Variants in GRAMD2B observed in about 807,000 individuals in gnomAD.
The protein encoded by GRAMD2B is GRAM domain containing 2B.
A neutral mutation model predicts 59.2 loss-of-function variants in GRAMD2B; 41 were observed. The ratio of observed to expected loss-of-function variants is 0.69; its 90% confidence interval spans 0.54 to 0.90. The LOEUF (loss-of-function observed/expected upper bound fraction) is 0.90. GRAMD2B is among the 40% of genes least tolerant of loss of function. GRAMD2B has a pLI of 0.00. For missense variants in GRAMD2B, 424 were observed against 500.5 expected, an observed-to-expected ratio of 0.85 and a Z score of 1.46; for synonymous variants, 161 against 182.7, an observed-to-expected ratio of 0.88 and a Z score of 0.96.
chr5:126,395,789 T>C (rs114386387), intron 1 of GRAMD2B, among the ~76,000 whole-genome samples: 1,533 of 152,254 alleles, frequency 0.01, 39 homozygotes, highest in African/African-American at 0.036. Context: ...CGCATGCACA[T>C]GTATATGTGT....
At chr5:126,363,181 A>G (rs749191045) in intron 1 of GRAMD2B, among the ~76,000 whole-genome samples, 22 of 152,356 alleles carry the variant, frequency 1.4e-4, no homozygotes, top group Non-Finnish European at 2.5e-4. Context: ...TTTTTCTCCA[A>G]AGAGAATACA....
chr5:126,484,341 T>C, intron 9 of GRAMD2B, 61 bp from the exon 10 acceptor site: 1 of 1,557,172 alleles, frequency 6.4e-7, no homozygotes, highest in Non-Finnish European at 8.7e-7. Flanking sequence ...TACTTGGAGA[T>C]TAATCCTGTT....
upstream of GRAMD2B, among the ~76,000 whole-genome samples, chr5:126,371,079 A>T (rs553735483): frequency 6.6e-6 from 1 of 152,306 alleles, no homozygotes; most frequent in South Asian, 2.1e-4. Flanking sequence ...TAATGTTTAG[A>T]TGCTGCCAGT....
At chr5:126,375,083 C>T (rs1372365541) in intron 1 of GRAMD2B, among the ~76,000 whole-genome samples, 7 of 152,060 alleles carry the variant, frequency 4.6e-5, no homozygotes, top group Non-Finnish European at 1.0e-4. Context: ...CTTTAATGTC[C>T]TTCAATAAAG....
At chr5:126,406,161 TA>T (rs1453878489) in intron 1 of GRAMD2B, among the ~76,000 whole-genome samples, 1 of 151,942 alleles carries the variant, frequency 6.6e-6, no homozygotes, top group African/African-American at 2.4e-5. Context: ...TTCATTCTAT[TA>T]TTTTACTAAC....
At chr5:126,459,022 C>A (rs185948759) in intron 1 of GRAMD2B, 3 of 152,260 alleles carry the variant, frequency 2.0e-5, no homozygotes, top group African/African-American at 7.2e-5. Context: ...GGTTTCCCTC[C>A]ATTATTGTAG....
chr5:126,488,412 T>C (rs919864924), intron 12 of GRAMD2B, among the ~76,000 whole-genome samples: 1 of 152,242 alleles, frequency 6.6e-6, no homozygotes, highest in Non-Finnish European at 1.5e-5. Context: ...TGTAAAGTTC[T>C]AGTATAAATA....
In GRAMD2B at chr5:126,360,342, G is replaced by A. The variant is rs540080193; in HGVS notation, c.11G>A (p.Arg4Lys). Residue 4 changes from arginine (R) to lysine (K), a missense_variant, in exon 1 of 14, where the codon AGA (arginine) becomes AAA (lysine). Transcript: ENST00000513040. ...CCTGGCCTCTAGAAGATGACAAGGA[G>A]ACAGCAAGTCCTACAAGCAAAAAGG... The A allele has an allele frequency of 3.1e-4, 481 of 1,551,268 alleles. 4 individuals carry two copies. In the South Asian group the frequency reaches 5.4e-3, roughly 18 times the overall value.
rs767704922 is a variant in GRAMD2B at position 126,423,657 on chromosome 5, C to G, written c.51C>G (p.Leu17=). 1 of 1,608,816 alleles carries G rather than the reference C, an allele frequency of 6.2e-7. No individual in the cohort carries two copies. Among genetic ancestry groups the G allele is most frequent in the Non-Finnish European group, 8.5e-7 (1 of 1,178,080 alleles). The change falls in exon 1 of 14, where the codon CTC becomes CTG. Residue 17 remains leucine, a synonymous_variant. Transcript: ENST00000285689. ...DVEDTKPAKV[L]GKRESKLGSA... ...AAGACACAAAGCCTGCGAAAGTGCT[C>G]GGGAAGAGGGAGAGCAAACTTGGCT... is the stretch of plus-strand genomic sequence containing the variant.
At chr5:126,407,898 T>C (rs941764548) in intron 1 of GRAMD2B, among the ~76,000 whole-genome samples, 1 of 152,076 alleles carries the variant, frequency 6.6e-6, no homozygotes, top group African/African-American at 2.4e-5. Flanking sequence ...TTTATATTCC[T>C]TAATGATTCT....
chr5:126,416,231 A>T lies in GRAMD2B; in HGVS notation c.125+44664A>T, dbSNP rs74413078. On this transcript the variant is annotated intron_variant, in intron 1 of 8. Transcript: ENST00000506445. ...GGGACCTTTCTAATCTGGTAGAGGC[A>T]CTTGCACTCCACTAGGAGTCATTTG... is the stretch of plus-strand genomic sequence containing the variant. Among the ~76,000 whole-genome samples, 1,176 of 152,346 alleles carry T rather than the reference A, an allele frequency of 7.7e-3. 16 individuals carry two copies. The highest frequency in any genetic ancestry group is 0.027 in the African/African-American group (1,121 of 41,576).
intron 1 of GRAMD2B, among the ~76,000 whole-genome samples, chr5:126,463,259 T>G (rs1226409778): frequency 2.0e-5 from 3 of 152,248 alleles, no homozygotes; most frequent in African/African-American, 7.2e-5. Flanking sequence ...CATCTGATCC[T>G]GCATAAAATC....
chr5:126,371,101 A>ATTGTT (rs1393761768), upstream of GRAMD2B, among the ~76,000 whole-genome samples: 3 of 152,088 alleles, frequency 2.0e-5, no homozygotes, highest in Non-Finnish European at 2.9e-5. Flanking sequence ...TCTGCACCTC[A>ATTGTT]TTGTTTTGTT....
chr5:126,392,497 C>T (rs960339153), intron 1 of GRAMD2B, among the ~76,000 whole-genome samples: 3 of 152,122 alleles, frequency 2.0e-5, no homozygotes, highest in African/African-American at 7.2e-5. Context: ...GTATTGGAGG[C>T]TGGTCACACA....
chr5:126,426,423 C>T (rs1327143741), intron 1 of GRAMD2B, among the ~76,000 whole-genome samples: 4 of 152,004 alleles, frequency 2.6e-5, no homozygotes, highest in East Asian at 3.9e-4. Context: ...ATGTGGCTTC[C>T]GCCTCATAGA....
upstream of GRAMD2B, among the ~76,000 whole-genome samples, chr5:126,369,406 G>A (rs546808486): frequency 8.5e-4 from 130 of 152,108 alleles, no homozygotes; most frequent in Non-Finnish European, 1.4e-3. Flanking sequence ...TTTGGGCAAC[G>A]ATTAAATGAG....
chr5:126,367,918 ATTGT>A (rs369441119), upstream of GRAMD2B, among the ~76,000 whole-genome samples: 1,738 of 152,142 alleles, frequency 0.011, 15 homozygotes, highest in Non-Finnish European at 0.017. Context: ...CGCCCGGCTA[ATTGT>A]TTGTATTTTT....
At position 126,472,243 on chromosome 5, in the gene GRAMD2B, G is replaced by A; in HGVS notation, c.321G>A (p.Lys107=). ...GTATTTTGTTCTCATTGTAGTACAA[G>A]GCCAATATGCACTTTCACAAGTTGT... ...RKKSSSSSQY[K]ANMHFHKLFL... Residue 107 remains lysine, a synonymous_variant, in exon 4 of 14, where the codon AAG becomes AAA. Transcript: ENST00000285689. The A allele has an allele frequency of 1.2e-6, 2 of 1,612,884 alleles. No individual in the cohort carries two copies. The highest frequency in any genetic ancestry group is 1.7e-6 in the Non-Finnish European group (2 of 1,178,842).
chr5:126,419,131 G>A (rs972679571), upstream of GRAMD2B, among the ~76,000 whole-genome samples: 1 of 152,098 alleles, frequency 6.6e-6, no homozygotes, highest in Non-Finnish European at 1.5e-5. Context: ...TGTATTAGTC[G>A]ATTCTCACAC....
Sources: allele counts gnomAD v4.1 joint callset (sites outside exome capture counted in the v4.1 genomes callset), GRCh38; gene constraint gnomAD v4.1.1; transcripts MANE v1.5; gene names NCBI Gene and HGNC (gene_info 2026-07-23, HGNC 2026-07-21).